CRTAP: variants seen among roughly 807,000 people sequenced by gnomAD.
CRTAP encodes cartilage-associated protein.
CRTAP carries 33 observed loss-of-function variants against 42.7 expected under a neutral mutation model. That is an observed-to-expected ratio of 0.77 (90% CI 0.59 to 1.03). The LOEUF is 1.03. CRTAP is among the 50% of genes least tolerant of loss of function. CRTAP has a pLI of 0.00. For synonymous variants in CRTAP, 243 were observed against 217.7 expected (o/e 1.12, Z -1.02); for missense variants, 613 against 533.9 (o/e 1.15, Z -1.46).
chr3:33,129,925 A>T lies in CRTAP; in HGVS notation c.794-14A>T, dbSNP rs1324288936. ...TGGATCCACTGCTCTGAAAATTTAT[A>T]TGTTTTGTTTCAGATCATTATGTAG... On this transcript the variant is annotated splice_polypyrimidine_tract_variant and intron_variant, in intron 3 of 6. Coordinates refer to ENST00000320954, the MANE Select transcript of CRTAP (RefSeq NM_006371.5). 6.2e-7 allele frequency: 1 copy of T among 1,611,374 alleles called. No individual in the cohort carries two copies. Among genetic ancestry groups the T allele is most frequent in the Non-Finnish European group, 8.5e-7 (1 of 1,177,610 alleles).
At chr3:33,124,100 G>A (rs998619667) in intron 2 of CRTAP, among the ~76,000 whole-genome samples, 2 of 152,090 alleles carry the variant, frequency 1.3e-5, no homozygotes, top group Non-Finnish European at 2.9e-5. Context: ...AGTTTTTGCT[G>A]TAACCCCTGA....
chr3:33,123,192 A>C (rs562411240), intron 2 of CRTAP, among the ~76,000 whole-genome samples: 1 of 152,290 alleles, frequency 6.6e-6, no homozygotes, highest in South Asian at 2.1e-4. Flanking sequence ...GTGCTGATGC[A>C]TGGTGGCACT....
chr3:33,139,597 C>T (rs1435985705), intron 6 of CRTAP, among the ~76,000 whole-genome samples: 1 of 152,002 alleles, frequency 6.6e-6, no homozygotes, highest in Non-Finnish European at 1.5e-5. Context: ...CTGCCTCGCC[C>T]TCCCAAGTAG....
chr3:33,143,458 A>G lies in CRTAP; in HGVS notation c.*1010A>G, dbSNP rs1306482266. The G allele has an allele frequency of 6.6e-6, 1 of 152,280 alleles. No individual in the cohort carries two copies. The highest frequency in any genetic ancestry group is 1.5e-5 in the Non-Finnish European group (1 of 68,056). The allele number at this position is 152,280 out of a possible 1,614,324, so 9.4% of individuals were successfully genotyped here. A position where few individuals can be genotyped will look rare whatever the true frequency, so the allele number is the denominator to read the frequency against. ...AGTCTCCGAGTTGGAAAAGGAAGAA[A>G]GCCAGAGCTGTCTAGTTTCATTCAT... On this transcript the variant is annotated 3_prime_UTR_variant, in exon 7 of 7. Transcript: ENST00000320954.
At position 33,114,176 on chromosome 3, in the gene CRTAP, C is replaced by G. The variant is rs777919906; in HGVS notation, c.99C>G (p.Phe33Leu). The G allele has an allele frequency of 1.5e-5, 24 of 1,592,160 alleles. No homozygotes were observed. Among genetic ancestry groups the G allele is most frequent in the Non-Finnish European group, 1.3e-5 (15 of 1,176,168 alleles). ...GCGCCCAATACGAACGCTACAGCTT[C>G]CGCAGCTTCCCACGGGACGAGCTGA... is the stretch of plus-strand genomic sequence containing the variant. ...AGRAQYERYS[F>L]RSFPRDELMP... The change falls in exon 1 of 7, where the codon TTC becomes TTG. Residue 33 changes from phenylalanine (F) to leucine (L), a missense_variant. Physicochemically the swap from Phe to Leu is conservative, Grantham distance 22. Coordinates refer to ENST00000320954, the MANE Select transcript of CRTAP (RefSeq NM_006371.5).
At chr3:33,117,395 G>C (rs1025624838) in intron 1 of CRTAP, among the ~76,000 whole-genome samples, 7 of 152,164 alleles carry the variant, frequency 4.6e-5, no homozygotes, top group Non-Finnish European at 1.0e-4. Context: ...GTAGAAAAGG[G>C]CTGTGCTACT....
At position 33,142,636 on chromosome 3, in the gene CRTAP, A is replaced by G; in HGVS notation, c.*188A>G. 1 of 591,878 alleles carries G rather than the reference A, an allele frequency of 1.7e-6. No homozygotes were observed. Among genetic ancestry groups the G allele is most frequent in the Non-Finnish European group, 3.0e-6 (1 of 331,878 alleles). 36.7% of individuals were successfully genotyped at this position (591,878 alleles called of 1,614,324 possible). A position where few individuals can be genotyped will look rare whatever the true frequency, so the allele number is the denominator to read the frequency against. ...TGCCTTTCCTATCTTCACACCTGCC[A>G]CCTCATGTTCACACCTATCTTTCTC... On this transcript the variant is annotated 3_prime_UTR_variant, in exon 7 of 7. Coordinates refer to ENST00000320954, the MANE Select transcript of CRTAP (RefSeq NM_006371.5).
chr3:33,146,053 T>C lies in CRTAP; in HGVS notation c.*3605T>C, dbSNP rs1230707432. On this transcript the variant is annotated 3_prime_UTR_variant, in exon 7 of 7. Transcript: ENST00000320954. ...TAAAAAAAAAAAACAAAAACTGGGC[T>C]GGGTCTTCCAAACCTACCATGAAAC... is the stretch of plus-strand genomic sequence containing the variant. 6.6e-6 allele frequency: 1 copy of C among 150,852 alleles called. No individual in the cohort carries two copies. Among genetic ancestry groups the C allele is most frequent in the Non-Finnish European group, 1.5e-5 (1 of 67,820 alleles). 9.3% of individuals were successfully genotyped at this position (150,852 alleles called of 1,614,324 possible).
intron 6 of CRTAP, among the ~76,000 whole-genome samples, chr3:33,135,463 C>CA (rs966773354): frequency 1.4e-4 from 21 of 152,132 alleles, no homozygotes; most frequent in Admixed American, 5.9e-4. Context: ...CTCGTCTCTA[C>CA]AAAAAATACA....
chr3:33,132,468 G>C, intron 4 of CRTAP, 87 bp from the exon 5 acceptor site: 1 of 1,579,030 alleles, frequency 6.3e-7, no homozygotes, highest in Admixed American at 1.7e-5. Context: ...GAAGGGGCTT[G>C]TTCATATGGC....
intron 6 of CRTAP, among the ~76,000 whole-genome samples, chr3:33,134,876 T>C (rs762685565): frequency 2.6e-5 from 4 of 152,176 alleles, no homozygotes; most frequent in Admixed American, 2.0e-4. Context: ...TGTCAGCTAT[T>C]GGAGCTCGAA....
chr3:33,135,705 G>T (rs76698144), intron 6 of CRTAP, among the ~76,000 whole-genome samples: 6,620 of 151,576 alleles, frequency 0.044, 376 homozygotes, highest in African/African-American at 0.13. Context: ...GGATATTTTG[G>T]TATATATCTT....
chr3:33,124,892 ACT>A lies in CRTAP; in HGVS notation c.793+315_793+316del, dbSNP rs551290365. ...AAATGGGCCCAGGAGCACCTCAGTG[ACT>A]CACATTACTGAGATAACTTTGATGA... On this transcript the variant is annotated intron_variant, in intron 3 of 6. Coordinates refer to ENST00000320954, the MANE Select transcript of CRTAP (RefSeq NM_006371.5). Among the ~76,000 whole-genome samples, 104 of 152,292 alleles carry A rather than the reference ACT, an allele frequency of 6.8e-4. 3 individuals carry two copies. In the South Asian group the frequency reaches 0.021, roughly 31 times the overall value.
chr3:33,139,665 CG>C (rs1334390340), intron 6 of CRTAP, among the ~76,000 whole-genome samples: 1 of 151,886 alleles, frequency 6.6e-6, no homozygotes, highest in African/African-American at 2.4e-5. Flanking sequence ...TTAGTAGAGA[CG>C]GGGGTTTCAC....
At chr3:33,139,470 G>A (rs1575520458) in intron 6 of CRTAP, among the ~76,000 whole-genome samples, 2 of 150,014 alleles carry the variant, frequency 1.3e-5, no homozygotes, top group African/African-American at 2.5e-5. Context: ...TTTTTAATTC[G>A]TTGAATTTTT....
intron 6 of CRTAP, among the ~76,000 whole-genome samples, chr3:33,136,275 C>T (rs953871829): frequency 5.9e-5 from 9 of 152,074 alleles, no homozygotes; most frequent in African/African-American, 1.4e-4. Context: ...TTGGATGTAC[C>T]GCATTCTGTT....
chr3:33,146,166 G>A lies in CRTAP; in HGVS notation c.*3718G>A, dbSNP rs1227595591. The A allele has an allele frequency of 6.6e-6, 1 of 152,238 alleles. No homozygotes were observed. The highest frequency in any genetic ancestry group is 1.5e-5 in the Non-Finnish European group (1 of 68,076). 9.4% of individuals were successfully genotyped at this position (152,238 alleles called of 1,614,324 possible). A position where few individuals can be genotyped will look rare whatever the true frequency, so the allele number is the denominator to read the frequency against. On this transcript the variant is annotated 3_prime_UTR_variant, in exon 7 of 7. Coordinates refer to ENST00000320954, the MANE Select transcript of CRTAP (RefSeq NM_006371.5). The stretch of plus-strand genomic sequence containing the variant: ...AGAGCCTAGAAGATTCCTGGATGGA[G>A]ACCCCATTGGTTCAGCCTCAAGTCT...
intron 4 of CRTAP, among the ~76,000 whole-genome samples, chr3:33,131,523 A>G (rs113892979): frequency 2.4e-4 from 36 of 152,256 alleles, no homozygotes; most frequent in African/African-American, 8.7e-4. Flanking sequence ...ATCGCCCTGC[A>G]TATCAGAAAC....
rs1040309816 is a variant in CRTAP, at chr3:33,146,202, C to T, written c.*3754C>T. ...TTCAGCCTCAAGTCTGGCCCGTCTTCGAAAAAACAAACACATTTGTAAGCT... is the reference window on the plus strand; with the variant it reads ...TTCAGCCTCAAGTCTGGCCCGTCTTTGAAAAAACAAACACATTTGTAAGCT... On this transcript the variant is annotated 3_prime_UTR_variant, in exon 7 of 7. Transcript: ENST00000320954. 2 of 152,306 alleles carry T rather than the reference C, an allele frequency of 1.3e-5. No individual in the cohort carries two copies. Among genetic ancestry groups the T allele is most frequent in the Admixed American group, 6.5e-5 (1 of 15,292 alleles). 9.4% of individuals were successfully genotyped at this position (152,306 alleles called of 1,614,324 possible). A position where few individuals can be genotyped will look rare whatever the true frequency, so the allele number is the denominator to read the frequency against.
Sources: gnomAD v4.1 joint callset for allele counts (sites outside exome capture counted in the v4.1 genomes callset) on GRCh38, gnomAD v4.1.1 for gene constraint, MANE v1.5 for transcripts, NCBI Gene and HGNC (gene_info 2026-07-23, HGNC 2026-07-21) for gene names.